The following GALNT18 variants were observed in gnomAD, a reference collection of about 807,000 sequenced individuals.
GALNT18 encodes GalNAc-transferase 18.
In GALNT18, 44 loss-of-function variants were observed where a neutral mutation model predicts 69.5. The observed-to-expected ratio is 0.63, with a 90% CI of 0.50 to 0.81. The LOEUF is 0.81. Among genes scored for constraint, GALNT18 ranks in the 40% least tolerant of loss-of-function variants. The pLI, the probability that GALNT18 is intolerant of heterozygous loss-of-function variation, is 0.00. For missense variants in GALNT18, 715 were observed against 810.0 expected, an observed-to-expected ratio of 0.88 and a Z score of 1.42; for synonymous variants, 364 against 318.2, an observed-to-expected ratio of 1.14 and a Z score of -1.53.
Position 11,466,078 on chromosome 11 carries a change from G to A in GALNT18, c.236-17142C>T, listed in dbSNP as rs1309180811. 5.3e-5 allele frequency among the ~76,000 whole-genome samples: 8 copies of A among 150,692 alleles called. No homozygotes were observed. In the East Asian group the frequency reaches 1.6e-3, roughly 30 times the overall value. ...CCCATTATACGCAAACAGATATAAG[G>A]GAAACGAGGTTACAAAACAATCTTT... On this transcript the variant is annotated intron_variant, in intron 1 of 10. Transcript: ENST00000227756.
intron 1 of GALNT18, among the ~76,000 whole-genome samples, chr11:11,525,972 T>C (rs1564994387): frequency 6.6e-6 from 1 of 152,058 alleles, no homozygotes; most frequent in Non-Finnish European, 1.5e-5. Context: ...AACATGCTAA[T>C]GGGGGTGACC....
rs1856489217 is a variant in GALNT18, at chr11:11,480,026, A to G, written c.236-31090T>C. On this transcript the variant is annotated intron_variant, in intron 1 of 10. Coordinates refer to ENST00000227756, the MANE Select transcript of GALNT18 (RefSeq NM_198516.3). The surrounding 1 kb of genome is among the most constrained non-coding windows in gnomAD (Gnocchi z 4.6). ...CTACCCCAAGCCCCACCAGGAGGCT[A>G]GAGAAGAGAGATGGGAGAGTTTGTA... Among the ~76,000 whole-genome samples the G allele has an allele frequency of 6.6e-6, 1 of 152,184 alleles. No individual in the cohort carries two copies. The highest frequency in any genetic ancestry group is 2.4e-5 in the African/African-American group (1 of 41,448).
Position 11,444,010 on chromosome 11 carries a change from T to A in GALNT18, c.428+4734A>T, listed in dbSNP as rs1293523427. Among the ~76,000 whole-genome samples, 1 of 152,198 alleles carries A rather than the reference T, an allele frequency of 6.6e-6. No homozygotes were observed. Among genetic ancestry groups the A allele is most frequent in the Non-Finnish European group, 1.5e-5 (1 of 68,026 alleles). On this transcript the variant is annotated intron_variant, in intron 2 of 10. Coordinates refer to ENST00000227756, the MANE Select transcript of GALNT18 (RefSeq NM_198516.3). This position sits in a 1 kb window ranked among gnomAD's most constrained non-coding sequence, Gnocchi z 4.4. ...GGTGTGGGGGATTAGGATGTGGACA[T>A]CTTTGGGAGGCCATTATTCTGCCTA...
At chr11:11,510,831 C>T (rs1857151146) in intron 1 of GALNT18, among the ~76,000 whole-genome samples, 1 of 152,190 alleles carries the variant, frequency 6.6e-6, no homozygotes. Flanking sequence ...CAAAGCCAGG[C>T]TTCTGTGATA....
intron 1 of GALNT18, among the ~76,000 whole-genome samples, chr11:11,467,357 C>T (rs568366320): frequency 1.3e-5 from 2 of 152,202 alleles, no homozygotes; most frequent in East Asian, 1.9e-4. Flanking sequence ...CAGCTGCCAC[C>T]CCTGCCCCTT....
rs1858315291 is a variant in GALNT18, at chr11:11,555,590, TTTA to T, written c.235+65766_235+65768del. ...CTATGAGAGAATAAATTCCTGTTGT[TTTA>T]AGCCACCCACTTTATTACAGAACCC... On this transcript the variant is annotated intron_variant, in intron 1 of 10. Coordinates refer to ENST00000227756, the MANE Select transcript of GALNT18 (RefSeq NM_198516.3). This position sits in a 1 kb window ranked among gnomAD's most constrained non-coding sequence, Gnocchi z 4.7. 6.6e-6 allele frequency among the ~76,000 whole-genome samples: 1 copy of T among 152,214 alleles called. No homozygotes were observed. The highest frequency in any genetic ancestry group is 1.5e-5 in the Non-Finnish European group (1 of 68,052).
At position 11,377,135 on chromosome 11, in the gene GALNT18, G is replaced by A; in HGVS notation, c.977+47C>T. ...GCATTGGACCAGTAGGCGGTCCCTA[G>A]CCTGGAGGTCAAAGCGGAGAGACCC... On this transcript the variant is annotated intron_variant, in intron 5 of 10. Transcript: ENST00000227756. The surrounding 1 kb of genome is among the most constrained non-coding windows in gnomAD (Gnocchi z 4.6). 1 of 1,567,376 alleles carries A rather than the reference G, an allele frequency of 6.4e-7. No individual in the cohort carries two copies. The highest frequency in any genetic ancestry group is 8.8e-7 in the Non-Finnish European group (1 of 1,140,682).
intron 1 of GALNT18, among the ~76,000 whole-genome samples, chr11:11,551,379 G>A (rs959319096): frequency 6.6e-5 from 10 of 152,098 alleles, no homozygotes; most frequent in African/African-American, 1.7e-4. Context: ...CTTAGCCTGC[G>A]CTCTTCAAAC....
At chr11:11,433,358 A>C (rs1855319643) in intron 2 of GALNT18, among the ~76,000 whole-genome samples, 1 of 152,232 alleles carries the variant, frequency 6.6e-6, no homozygotes, top group Non-Finnish European at 1.5e-5. Context: ...AACAGTCTCA[A>C]CATGAGGAAA....
intron 1 of GALNT18, among the ~76,000 whole-genome samples, chr11:11,464,930 C>T (rs1032526585): frequency 3.9e-5 from 6 of 152,174 alleles, no homozygotes; most frequent in African/African-American, 1.4e-4. Flanking sequence ...AACATAAACA[C>T]CGGCTGTTGT....
At chr11:11,557,856 G>T (rs1858369603) in intron 1 of GALNT18, among the ~76,000 whole-genome samples, 1 of 152,218 alleles carries the variant, frequency 6.6e-6, no homozygotes, top group Non-Finnish European at 1.5e-5. Flanking sequence ...GGTGATCACA[G>T]CTGGTCCGTG....
intron 9 of GALNT18, among the ~76,000 whole-genome samples, chr11:11,293,533 CTTTTTTTTTTTT>C (rs34166465): frequency 1.7e-4 from 14 of 80,194 alleles, no homozygotes; most frequent in East Asian, 3.6e-4. Flanking sequence ...ACAAACCCCT[CTTTTTTTTTTTT>C]TTTTTTTTTT....
intron 9 of GALNT18, among the ~76,000 whole-genome samples, chr11:11,325,502 T>C (rs990990008): frequency 6.6e-6 from 1 of 151,514 alleles, no homozygotes; most frequent in African/African-American, 2.4e-5. Flanking sequence ...ACCACCTGAA[T>C]CTCAAAAACC....
At chr11:11,354,816 A>T (rs923318830) in intron 6 of GALNT18, among the ~76,000 whole-genome samples, 2 of 152,078 alleles carry the variant, frequency 1.3e-5, no homozygotes, top group Non-Finnish European at 2.9e-5. Flanking sequence ...TCCAAAACGA[A>T]GTTCCCGATT....
rs1366199807 is a variant in GALNT18 at position 11,465,391 on chromosome 11, G to A, written c.236-16455C>T. Among the ~76,000 whole-genome samples, 1 of 152,184 alleles carries A rather than the reference G, an allele frequency of 6.6e-6. No homozygotes were observed. The highest frequency in any genetic ancestry group is 2.4e-5 in the African/African-American group (1 of 41,430). The stretch of plus-strand genomic sequence containing the variant: ...CACCTTATGGAGCTGTCACTGTGCA[G>A]GAAAACACCAAGGATTACTCAAAGC... On this transcript the variant is annotated intron_variant, in intron 1 of 10. Transcript: ENST00000227756. This position sits in a 1 kb window ranked among gnomAD's most constrained non-coding sequence, Gnocchi z 5.7.
intron 1 of GALNT18, among the ~76,000 whole-genome samples, chr11:11,607,196 A>C (rs1224738206): frequency 6.6e-6 from 1 of 152,266 alleles, no homozygotes; most frequent in Non-Finnish European, 1.5e-5. Context: ...GAAAATACTT[A>C]TGCCTATTTT....
intron 1 of GALNT18, among the ~76,000 whole-genome samples, chr11:11,518,847 A>G (rs1857336493): frequency 6.6e-6 from 1 of 152,190 alleles, no homozygotes; most frequent in African/African-American, 2.4e-5. Flanking sequence ...AAATAGGAAG[A>G]GGCCCCAGGG....
intron 9 of GALNT18, among the ~76,000 whole-genome samples, chr11:11,324,943 A>G (rs1259162348): frequency 2.0e-5 from 3 of 152,234 alleles, no homozygotes; most frequent in African/African-American, 7.2e-5. Flanking sequence ...GGAAAACAGT[A>G]TGGATATTCC....
At chr11:11,306,799 G>A (rs1306626462) in intron 9 of GALNT18, among the ~76,000 whole-genome samples, 2 of 151,754 alleles carry the variant, frequency 1.3e-5, no homozygotes, top group East Asian at 3.9e-4. Context: ...TTTGCAATGT[G>A]ACTGCGCAGC....
Sources: gnomAD v4.1 joint callset for allele counts (sites outside exome capture counted in the v4.1 genomes callset) on GRCh38, gnomAD v4.1.1 for gene constraint, Gnocchi (gnomAD v3.1) non-coding constraint, MANE v1.5 for transcripts, NCBI Gene and HGNC (gene_info 2026-07-23, HGNC 2026-07-21) for gene names.